Variants in TBL1XR1 observed in about 807,000 individuals in gnomAD.
The protein encoded by TBL1XR1 is TBL1X/Y related 1.
A neutral mutation model predicts 66.9 loss-of-function variants in TBL1XR1; 5 were observed. The observed-to-expected ratio is 0.07, with a 90% CI of 0.04 to 0.16. The LOEUF is 0.16. TBL1XR1 is among the 10% of genes least tolerant of loss of function. The probability of loss-of-function intolerance (pLI) is 1.00; values close to 1 mark genes in which losing one functional copy is unlikely to be tolerated. For synonymous variants in TBL1XR1, 210 were observed against 206.0 expected (o/e 1.02, Z -0.17); for missense variants, 238 against 623.2 (o/e 0.38, Z 6.58).
At chr3:177,118,966 G>T (rs1033602680) in intron 1 of TBL1XR1, among the ~76,000 whole-genome samples, 1 of 151,928 alleles carries the variant, frequency 6.6e-6, no homozygotes, top group Non-Finnish European at 1.5e-5. Flanking sequence ...TGGATAATCA[G>T]GTTTTTTTTG....
chr3:177,127,489 C>G (rs1297696355), intron 1 of TBL1XR1, among the ~76,000 whole-genome samples: 2 of 152,096 alleles, frequency 1.3e-5, no homozygotes, highest in Non-Finnish European at 2.9e-5. Context: ...TCAAGAAACA[C>G]TTTGGATTGC....
At chr3:177,158,833 G>A (rs528565399) in intron 1 of TBL1XR1, among the ~76,000 whole-genome samples, 1 of 152,044 alleles carries the variant, frequency 6.6e-6, no homozygotes, top group East Asian at 1.9e-4. Context: ...AACCTCCCCA[G>A]CCCCTCAAGT....
At chr3:177,145,148 A>C (rs899154591) in intron 1 of TBL1XR1, among the ~76,000 whole-genome samples, 1 of 152,202 alleles carries the variant, frequency 6.6e-6, no homozygotes, top group African/African-American at 2.4e-5. Context: ...GAACCTTGGA[A>C]AGTCCCTAAA....
chr3:177,145,703 C>T (rs1000801178), intron 1 of TBL1XR1, among the ~76,000 whole-genome samples: 1 of 152,204 alleles, frequency 6.6e-6, no homozygotes, highest in African/African-American at 2.4e-5. Context: ...CAATGTGGCA[C>T]ATTTGTCAGA....
Position 177,146,546 on chromosome 3 carries a change from C to T in TBL1XR1, c.-121-48005G>A, listed in dbSNP as rs1372044707. ...CGGAGGTTGTGGTAAGCCAAGATCA[C>T]GCCACTGCACTCCAGCCTGGGCAGC... On this transcript the variant is annotated intron_variant, in intron 1 of 15. Coordinates refer to ENST00000457928, the MANE Select transcript of TBL1XR1 (RefSeq NM_024665.7). Among the ~76,000 whole-genome samples the T allele has an allele frequency of 3.0e-5, 4 of 133,618 alleles. No homozygotes were observed. The South Asian group carries it at 7.1e-4, about 24-fold the overall frequency. 87.7% of individuals were successfully genotyped at this position (133,618 alleles called of 152,430 possible).
chr3:177,100,547 C>T (rs1415560996), intron 1 of TBL1XR1, among the ~76,000 whole-genome samples: 1 of 152,038 alleles, frequency 6.6e-6, no homozygotes, highest in Non-Finnish European at 1.5e-5. Flanking sequence ...GTCTCAGCCT[C>T]CTGAGTAGCT....
intron 2 of TBL1XR1, among the ~76,000 whole-genome samples, chr3:177,097,805 ATAC>A (rs1723683358): frequency 6.6e-6 from 1 of 152,254 alleles, no homozygotes. Context: ...TAACAAGAAA[ATAC>A]TATTCACAAA....
intron 1 of TBL1XR1, among the ~76,000 whole-genome samples, chr3:177,177,396 A>C (rs981245337): frequency 1.3e-5 from 2 of 151,898 alleles, no homozygotes; most frequent in African/African-American, 2.4e-5. Flanking sequence ...GTTGCAGTGA[A>C]CCGAGATTGC....
chr3:177,152,126 AATTAGAAGTTTAGATT>A (rs1391894745), intron 1 of TBL1XR1, among the ~76,000 whole-genome samples: 1 of 152,236 alleles, frequency 6.6e-6, no homozygotes, highest in African/African-American at 2.4e-5. Flanking sequence ...GATTATAGCA[AATTAGAAGTTTAGATT>A]ATTCAGCCTG....
chr3:177,043,048 A>G (rs918069135), intron 10 of TBL1XR1, among the ~76,000 whole-genome samples: 5 of 152,082 alleles, frequency 3.3e-5, no homozygotes, highest in African/African-American at 9.7e-5. Context: ...CTTAATTTTG[A>G]TTTCTCCTTT....
At chr3:177,140,951 A>T (rs1375433849) in intron 1 of TBL1XR1, among the ~76,000 whole-genome samples, 1 of 152,208 alleles carries the variant, frequency 6.6e-6, no homozygotes, top group Non-Finnish European at 1.5e-5. Context: ...ATATGGCCCA[A>T]GACAATTCTT....
At chr3:177,115,694 A>G (rs1726225667) in intron 1 of TBL1XR1, among the ~76,000 whole-genome samples, 1 of 152,196 alleles carries the variant, frequency 6.6e-6, no homozygotes, top group Non-Finnish European at 1.5e-5. Flanking sequence ...ATTGAACATC[A>G]TTGGATATCT....
At chr3:177,168,334 T>C (rs1447225905) in intron 1 of TBL1XR1, among the ~76,000 whole-genome samples, 6 of 151,244 alleles carry the variant, frequency 4.0e-5, no homozygotes, top group Non-Finnish European at 8.8e-5. Flanking sequence ...CAGATTGGAG[T>C]GCAGTGGTGC....
chr3:177,105,590 T>C (rs541661828), intron 1 of TBL1XR1, among the ~76,000 whole-genome samples: 1 of 152,336 alleles, frequency 6.6e-6, no homozygotes, highest in East Asian at 1.9e-4. Flanking sequence ...ACACAAATCA[T>C]TCAGTTGAAC....
intron 2 of TBL1XR1, among the ~76,000 whole-genome samples, chr3:177,076,674 CT>C (rs1720742963): frequency 6.6e-6 from 1 of 152,160 alleles, no homozygotes; most frequent in South Asian, 2.1e-4. Context: ...TTCTTCTTAC[CT>C]TCAGTCATCT....
At chr3:177,027,909 T>C (rs1445669407) in intron 14 of TBL1XR1, 1 of 152,134 alleles carries the variant, frequency 6.6e-6, no homozygotes, top group African/African-American at 2.4e-5. Context: ...ACCAACAAAA[T>C]CTAGTTTGCT....
At chr3:177,132,763 G>A (rs985091159) in intron 1 of TBL1XR1, among the ~76,000 whole-genome samples, 1 of 152,104 alleles carries the variant, frequency 6.6e-6, no homozygotes, top group African/African-American at 2.4e-5. Context: ...CAAAAGTAAG[G>A]GTGGCTACAG....
intron 1 of TBL1XR1, among the ~76,000 whole-genome samples, chr3:177,130,979 T>C (rs887419597): frequency 2.0e-5 from 3 of 152,242 alleles, no homozygotes; most frequent in East Asian, 1.9e-4. Flanking sequence ...CTGGGCAACA[T>C]AGCAAGACCC....
intron 1 of TBL1XR1, among the ~76,000 whole-genome samples, chr3:177,159,706 G>A (rs1293109511): frequency 6.6e-6 from 1 of 152,160 alleles, no homozygotes; most frequent in African/African-American, 2.4e-5. Flanking sequence ...GTGTTACAAA[G>A]TACCAGCTCC....
Sources: allele counts gnomAD v4.1 joint callset (sites outside exome capture counted in the v4.1 genomes callset), GRCh38; gene constraint gnomAD v4.1.1; transcripts MANE v1.5; gene names NCBI Gene and HGNC (gene_info 2026-07-23, HGNC 2026-07-21).